Variants in LAMA2 observed in about 807,000 individuals in gnomAD.
LAMA2 encodes laminin subunit alpha 2.
In LAMA2, 269 loss-of-function variants were observed where a neutral mutation model predicts 364.8. That is an observed-to-expected ratio of 0.74 (90% CI 0.67 to 0.82). LAMA2 has a LOEUF of 0.82. Ranked by LOEUF, LAMA2 falls within the 40% of genes least tolerant of loss-of-function variation. The pLI, the probability that LAMA2 is intolerant of heterozygous loss-of-function variation, is 0.00. For synonymous variants in LAMA2, 1,379 were observed against 1,370.6 expected, an observed-to-expected ratio of 1.01 and a Z score of -0.14; for missense variants, 3,807 against 3,873.2, an observed-to-expected ratio of 0.98 and a Z score of 0.45.
intron 41 of LAMA2, among the ~76,000 whole-genome samples, chr6:129,431,745 A>G (rs566388744): frequency 6.6e-6 from 1 of 152,338 alleles, no homozygotes; most frequent in African/African-American, 2.4e-5. Flanking sequence ...CACAGAGAAC[A>G]GTATGAAACA....
chr6:129,077,664 A>G (rs1015233201), intron 3 of LAMA2, among the ~76,000 whole-genome samples: 40 of 152,210 alleles, frequency 2.6e-4, no homozygotes, highest in African/African-American at 9.4e-4. Flanking sequence ...TGTGCTGTAT[A>G]GCACCTTATA....
intron 10 of LAMA2, among the ~76,000 whole-genome samples, chr6:129,187,353 C>G (rs982752527): frequency 7.9e-5 from 12 of 151,742 alleles, no homozygotes; most frequent in Admixed American, 3.3e-4. Context: ...AGTCCCAGAA[C>G]ACTATACTTC....
At chr6:128,939,337 C>CT (rs773284154) in intron 1 of LAMA2, among the ~76,000 whole-genome samples, 4,481 of 143,282 alleles carry the variant, frequency 0.031, 221 homozygotes, top group African/African-American at 0.1. Flanking sequence ...CAAGAGTTTC[C>CT]TTTTTTTTTT....
intron 3 of LAMA2, among the ~76,000 whole-genome samples, chr6:129,073,307 T>A (rs1294492512): frequency 5.3e-5 from 8 of 152,154 alleles, no homozygotes; most frequent in Admixed American, 5.2e-4. Flanking sequence ...TTTTTTTAAT[T>A]TTGCTTTTGG....
intron 30 of LAMA2, among the ~76,000 whole-genome samples, chr6:129,343,318 A>G (rs1463905911): frequency 1.3e-5 from 2 of 152,166 alleles, no homozygotes; most frequent in Non-Finnish European, 1.5e-5. Context: ...TGATCTTTGC[A>G]CCTGTGCCTA....
intron 3 of LAMA2, among the ~76,000 whole-genome samples, chr6:129,085,085 C>T (rs1774299309): frequency 6.6e-6 from 1 of 152,096 alleles, no homozygotes; most frequent in Non-Finnish European, 1.5e-5. Flanking sequence ...TTGGGTATCA[C>T]AAATGAGGAA....
At chr6:128,998,327 T>A (rs1357193862) in intron 1 of LAMA2, among the ~76,000 whole-genome samples, 1 of 152,226 alleles carries the variant, frequency 6.6e-6, no homozygotes, top group Non-Finnish European at 1.5e-5. Context: ...ATGCACAACC[T>A]ATCTCTAGAT....
intron 1 of LAMA2, among the ~76,000 whole-genome samples, chr6:129,034,248 CTT>C (rs753262752): frequency 2.6e-5 from 4 of 151,952 alleles, no homozygotes; most frequent in South Asian, 2.1e-4. Context: ...TTCAAGAAGT[CTT>C]TTTGATCTGA....
At chr6:129,498,213 A>G (rs939012892) in intron 58 of LAMA2, among the ~76,000 whole-genome samples, 1 of 152,208 alleles carries the variant, frequency 6.6e-6, no homozygotes, top group Non-Finnish European at 1.5e-5. Context: ...AAGAAAAACA[A>G]TACAAGTAGC....
intron 35 of LAMA2, among the ~76,000 whole-genome samples, chr6:129,385,310 GGGAA>G (rs147858586): frequency 0.18 from 24,661 of 139,476 alleles, 3,053 homozygotes; most frequent in East Asian, 0.45. Context: ...AAGAAGAAAA[GGGAA>G]GGAAGGAAGG....
At chr6:129,069,702 A>G (rs1307380718) in intron 3 of LAMA2, among the ~76,000 whole-genome samples, 1 of 148,470 alleles carries the variant, frequency 6.7e-6, no homozygotes, top group Non-Finnish European at 1.5e-5. Context: ...ATGTGTTAGT[A>G]CATAGAACTA....
chr6:129,269,611 A>G (rs1397646403), intron 16 of LAMA2, among the ~76,000 whole-genome samples: 2 of 152,102 alleles, frequency 1.3e-5, no homozygotes, highest in Non-Finnish European at 2.9e-5. Context: ...TTAATTTTTG[A>G]TTCAATTTTT....
At chr6:129,289,891 A>G (rs1348638973) in intron 19 of LAMA2, among the ~76,000 whole-genome samples, 2 of 152,128 alleles carry the variant, frequency 1.3e-5, no homozygotes, top group African/African-American at 4.8e-5. Flanking sequence ...AAGCACATTT[A>G]TTACTTATTT....
chr6:128,957,356 C>T (rs886389743), intron 1 of LAMA2, among the ~76,000 whole-genome samples: 2 of 152,220 alleles, frequency 1.3e-5, no homozygotes, highest in African/African-American at 4.8e-5. Context: ...GGGATTATTT[C>T]GAGTAGTCAG....
chr6:128,966,644 G>A (rs1260149045), intron 1 of LAMA2, among the ~76,000 whole-genome samples: 1 of 150,670 alleles, frequency 6.6e-6, no homozygotes, highest in Non-Finnish European at 1.5e-5. Flanking sequence ...TATTATTTGA[G>A]AAATGATTCA....
At chr6:129,158,938 G>T in intron 8 of LAMA2, 2 of 1,597,544 alleles carry the variant, frequency 1.3e-6, no homozygotes, top group Non-Finnish European at 1.7e-6. Flanking sequence ...CTCAGCAATA[G>T]CACTTGAAAA....
chr6:129,019,503 A>G (rs913430381), intron 1 of LAMA2, among the ~76,000 whole-genome samples: 3 of 151,562 alleles, frequency 2.0e-5, no homozygotes, highest in Non-Finnish European at 2.9e-5. Context: ...TTTGTCCAAG[A>G]GTCATATTAA....
rs73585575 is a variant in LAMA2, at chr6:129,311,523, C to T, written c.3175-1338C>T. Among the ~76,000 whole-genome samples, 672 of 152,252 alleles carry T rather than the reference C, an allele frequency of 4.4e-3. 6 individuals carry two copies. Among genetic ancestry groups the T allele is most frequent in the African/African-American group, 0.015 (633 of 41,540 alleles). On this transcript the variant is annotated intron_variant, in intron 22 of 64. Coordinates refer to ENST00000421865, the MANE Select transcript of LAMA2 (RefSeq NM_000426.4). ...TTGACTAAGCCTATCATTCTGCCACCGGATACGGAGAAATGTCTACGGGGT... is the reference window on the plus strand; with the variant it reads ...TTGACTAAGCCTATCATTCTGCCACTGGATACGGAGAAATGTCTACGGGGT...
chr6:129,342,522 A>C, intron 30 of LAMA2, 55 bp downstream of exon 30: 1 of 1,568,146 alleles, frequency 6.4e-7, no homozygotes, highest in Admixed American at 1.7e-5. Flanking sequence ...TCTGTCTAGC[A>C]CATGGGCTGT....
Sources: gnomAD v4.1 joint callset for allele counts (sites outside exome capture counted in the v4.1 genomes callset) on GRCh38, gnomAD v4.1.1 for gene constraint, MANE v1.5 for transcripts, NCBI Gene and HGNC (gene_info 2026-07-23, HGNC 2026-07-21) for gene names.